SNTG1: variants seen among roughly 807,000 people sequenced by gnomAD.
SNTG1 encodes the protein syntrophin gamma 1.
SNTG1 carries 39 observed loss-of-function variants against 74.7 expected under a neutral mutation model. The ratio of observed to expected loss-of-function variants is 0.52; its 90% CI spans 0.40 to 0.68. The LOEUF is 0.68. Among genes scored for constraint, SNTG1 ranks in the 30% least tolerant of loss-of-function variants. The probability of loss-of-function intolerance (pLI) is 0.00; values close to 1 mark genes in which losing one functional copy is unlikely to be tolerated. For missense variants in SNTG1, 685 were observed against 609.5 expected (o/e 1.12, Z -1.30); for synonymous variants, 254 against 217.1 (o/e 1.17, Z -1.49).
chr8:50,257,365 G>A (rs1397774392), intron 2 of SNTG1, among the ~76,000 whole-genome samples: 1 of 152,150 alleles, frequency 6.6e-6, no homozygotes, highest in Non-Finnish European at 1.5e-5. Context: ...GTAGAGTAGG[G>A]GTGCCCCTCC....
intron 10 of SNTG1, 113 bp downstream of exon 10, chr8:50,530,372 T>G: frequency 9.8e-7 from 1 of 1,023,894 alleles, no homozygotes; most frequent in Non-Finnish European, 1.5e-6. Flanking sequence ...TGCATAATCA[T>G]TTAAGAATTA....
chr8:50,369,662 C>G (rs548757744), intron 2 of SNTG1, among the ~76,000 whole-genome samples: 1 of 151,924 alleles, frequency 6.6e-6, no homozygotes, highest in Admixed American at 6.6e-5. Context: ...CAAGTGAGGA[C>G]ACAGCCAGAA....
At chr8:49,961,164 C>A (rs2129721971) in intron 1 of SNTG1, among the ~76,000 whole-genome samples, 1 of 152,266 alleles carries the variant, frequency 6.6e-6, no homozygotes, top group Non-Finnish European at 1.5e-5. Flanking sequence ...ACTTCATAAA[C>A]ATAGCTGGAC....
chr8:50,195,398 T>C (rs2083728127), intron 2 of SNTG1, among the ~76,000 whole-genome samples: 1 of 152,102 alleles, frequency 6.6e-6, no homozygotes, highest in Admixed American at 6.6e-5. Flanking sequence ...GGCTTGGTTC[T>C]TCCCCCATCT....
intron 2 of SNTG1, among the ~76,000 whole-genome samples, chr8:50,223,985 T>C (rs969082290): frequency 6.6e-6 from 1 of 151,934 alleles, no homozygotes; most frequent in South Asian, 2.1e-4. Flanking sequence ...AATAAAAAAA[T>C]AGTAAAATTG....
intron 1 of SNTG1, among the ~76,000 whole-genome samples, chr8:50,090,309 G>C (rs561026990): frequency 3.5e-4 from 54 of 152,284 alleles, no homozygotes; most frequent in Non-Finnish European, 2.9e-4. Flanking sequence ...TAAGGATAGA[G>C]CTGGGTCTAT....
intron 4 of SNTG1, among the ~76,000 whole-genome samples, chr8:50,421,686 C>T (rs1326700726): frequency 6.6e-6 from 1 of 152,050 alleles, no homozygotes; most frequent in East Asian, 1.9e-4. Flanking sequence ...TCTGACAACA[C>T]CAATAGTCAG....
At chr8:50,390,353 T>A (rs1175335007) in intron 2 of SNTG1, among the ~76,000 whole-genome samples, 1 of 151,112 alleles carries the variant, frequency 6.6e-6, no homozygotes, top group Admixed American at 6.6e-5. Context: ...CGTTTCCCCA[T>A]TTTTTGTCAA....
chr8:49,933,736 A>G (rs998769394), intron 1 of SNTG1, among the ~76,000 whole-genome samples: 1 of 152,138 alleles, frequency 6.6e-6, no homozygotes, highest in African/African-American at 2.4e-5. Flanking sequence ...ATATTACACA[A>G]TTTTATTATT....
intron 2 of SNTG1, among the ~76,000 whole-genome samples, chr8:50,385,260 A>C (rs2092555993): frequency 6.6e-6 from 1 of 152,170 alleles, no homozygotes; most frequent in Admixed American, 6.5e-5. Flanking sequence ...CACTTCTCTA[A>C]AGAGGCCATA....
intron 18 of SNTG1, among the ~76,000 whole-genome samples, chr8:50,780,432 T>G (rs1053796643): frequency 2.6e-5 from 4 of 152,120 alleles, no homozygotes; most frequent in East Asian, 1.9e-4. Context: ...TTAGTCTTGG[T>G]AGCGTGTATG....
intron 1 of SNTG1, among the ~76,000 whole-genome samples, chr8:49,977,949 T>C (rs1027984381): frequency 6.6e-6 from 1 of 152,212 alleles, no homozygotes; most frequent in Non-Finnish European, 1.5e-5. Context: ...CAGGGGGATA[T>C]CCTTGGAGCC....
intron 17 of SNTG1, among the ~76,000 whole-genome samples, chr8:50,744,111 C>A (rs1156988843): frequency 6.6e-6 from 1 of 151,978 alleles, no homozygotes; most frequent in Non-Finnish European, 1.5e-5. Flanking sequence ...ATCCACACAC[C>A]TCCTATAAGG....
intron 1 of SNTG1, among the ~76,000 whole-genome samples, chr8:49,998,047 T>C (rs2130404541): frequency 6.6e-6 from 1 of 152,332 alleles, no homozygotes; most frequent in East Asian, 1.9e-4. Context: ...GTATAGCCTA[T>C]TGCTCTTAGG....
intron 1 of SNTG1, among the ~76,000 whole-genome samples, chr8:50,087,445 T>A (rs746894579): frequency 6.6e-6 from 1 of 152,180 alleles, no homozygotes; most frequent in Non-Finnish European, 1.5e-5. Context: ...TTCAATAATG[T>A]CAAGCCTCTT....
At chr8:50,172,674 T>A (rs1397596982) in intron 2 of SNTG1, 39 bp downstream of exon 2, 3 of 152,026 alleles carry the variant, frequency 2.0e-5, no homozygotes, top group Non-Finnish European at 4.4e-5. Flanking sequence ...CATGTGTAAA[T>A]TAGTGGAAAA....
intron 2 of SNTG1, among the ~76,000 whole-genome samples, chr8:50,390,667 GC>G (rs1489936780): frequency 2.0e-5 from 3 of 152,092 alleles, no homozygotes; most frequent in Non-Finnish European, 4.4e-5. Context: ...GGGCAGAATG[GC>G]CATTTTCATG....
intron 1 of SNTG1, among the ~76,000 whole-genome samples, chr8:50,037,710 A>G (rs1818280891): frequency 6.6e-6 from 1 of 152,222 alleles, no homozygotes; most frequent in Non-Finnish European, 1.5e-5. Context: ...TTATCTTGTC[A>G]AGTTACAAAC....
intron 1 of SNTG1, among the ~76,000 whole-genome samples, chr8:49,965,352 C>A (rs1319879746): frequency 6.6e-6 from 1 of 152,110 alleles, no homozygotes; most frequent in Non-Finnish European, 1.5e-5. Flanking sequence ...TCTTTATGAA[C>A]TTCTGGATAT....
Sources: gnomAD v4.1 joint callset for allele counts (sites outside exome capture counted in the v4.1 genomes callset) on GRCh38, gnomAD v4.1.1 for gene constraint, MANE v1.5 for transcripts, NCBI Gene and HGNC (gene_info 2026-07-23, HGNC 2026-07-21) for gene names.